GRID1: variants seen among roughly 807,000 people sequenced by gnomAD.
GRID1 encodes the protein glutamate receptor ionotropic, delta-1.
Under a neutral mutation model 98.0 loss-of-function variants are expected in GRID1, and 28 were observed. The observed-to-expected ratio is 0.29, with a 90% CI of 0.21 to 0.39. The LOEUF is 0.39. Ranked by LOEUF, GRID1 falls within the 10% of genes least tolerant of loss-of-function variation. The probability of loss-of-function intolerance (pLI) is 1.00; values close to 1 mark genes in which losing one functional copy is unlikely to be tolerated. For missense variants in GRID1, 1,111 were observed against 1,340.5 expected (o/e 0.83, Z 2.67); for synonymous variants, 553 against 538.5 (o/e 1.03, Z -0.37).
At chr10:86,239,975 T>C (rs1846601734) in intron 2 of GRID1, among the ~76,000 whole-genome samples, 1 of 151,986 alleles carries the variant, frequency 6.6e-6, no homozygotes, top group Non-Finnish European at 1.5e-5. Flanking sequence ...GAAGAGGAGA[T>C]GAGGACACAG....
chr10:86,015,622 G>A (rs1027050000), intron 4 of GRID1, among the ~76,000 whole-genome samples: 7 of 152,200 alleles, frequency 4.6e-5, no homozygotes, highest in Non-Finnish European at 8.8e-5. Context: ...CAGCCCTACT[G>A]CTCAGCCCTA....
intron 3 of GRID1, among the ~76,000 whole-genome samples, chr10:86,169,304 A>G (rs563119191): frequency 6.6e-6 from 1 of 152,344 alleles, no homozygotes; most frequent in South Asian, 2.1e-4. Context: ...CTGTAGCCCC[A>G]GGGGCAGTGG....
intron 4 of GRID1, among the ~76,000 whole-genome samples, chr10:86,040,181 AT>A (rs1843326370): frequency 6.6e-6 from 1 of 152,188 alleles, no homozygotes; most frequent in African/African-American, 2.4e-5. Flanking sequence ...GAAAAACAGT[AT>A]GCAGTTTCCT....
chr10:85,770,318 C>T (rs913565925), intron 8 of GRID1, among the ~76,000 whole-genome samples: 7 of 152,196 alleles, frequency 4.6e-5, no homozygotes, highest in Admixed American at 4.6e-4. Flanking sequence ...ACACCAAAAA[C>T]CCATCTATAC....
At chr10:85,848,825 G>A (rs536839435) in intron 8 of GRID1, among the ~76,000 whole-genome samples, 6 of 152,154 alleles carry the variant, frequency 3.9e-5, no homozygotes, top group East Asian at 1.9e-4. Context: ...TTCAGTTCTC[G>A]GCTCTGTCAA....
intron 4 of GRID1, among the ~76,000 whole-genome samples, chr10:86,091,450 C>T (rs1036553980): frequency 1.3e-5 from 2 of 152,104 alleles, no homozygotes; most frequent in Non-Finnish European, 2.9e-5. Flanking sequence ...CTGAGAATCT[C>T]ACCCCCATCC....
rs770112176 is a variant in GRID1, at chr10:85,729,550, C to T, written c.1298G>A (p.Arg433His). ...GSLQERPMGS[R>H]LQGLTLKVVT... is the part of the protein sequence containing the mutation. ...CACTTTAAGAGTCAATCCTTGGAGG[C>T]GGCTGCCCATGGGCCTCTCTTGCAA... is the stretch of plus-strand genomic sequence containing the variant. The change falls in exon 9 of 16, where the codon CGC becomes CAC. Residue 433 changes from arginine to histidine, a missense_variant. Around this residue, in one of 3 missense-constraint regions of GRID1, gnomAD observed 762 missense variants for 869.1 expected, o/e 0.88. Coordinates refer to ENST00000327946, the MANE Select transcript of GRID1 (RefSeq NM_017551.3). The T allele has an allele frequency of 2.9e-5, 46 of 1,611,990 alleles. No homozygotes were observed. The highest frequency in any genetic ancestry group is 6.7e-5 in the African/African-American group (5 of 74,818).
At chr10:86,270,702 T>A (rs1410222044) in intron 2 of GRID1, among the ~76,000 whole-genome samples, 1 of 151,478 alleles carries the variant, frequency 6.6e-6, no homozygotes, top group Non-Finnish European at 1.5e-5. Context: ...AAAATAATAA[T>A]AATAATAAAA....
chr10:86,140,128 C>A (rs1386161845), intron 3 of GRID1, among the ~76,000 whole-genome samples: 1 of 152,186 alleles, frequency 6.6e-6, no homozygotes, highest in Non-Finnish European at 1.5e-5. Context: ...CACGTGCAGC[C>A]CAGAGTCTCA....
intron 3 of GRID1, among the ~76,000 whole-genome samples, chr10:86,191,520 T>A (rs1845802534): frequency 1.5e-5 from 2 of 132,396 alleles, no homozygotes; most frequent in African/African-American, 5.7e-5. Context: ...CTTCCCAGAC[T>A]CCCTATCCTG....
intron 4 of GRID1, among the ~76,000 whole-genome samples, chr10:86,072,481 T>G (rs940714121): frequency 2.6e-5 from 4 of 151,638 alleles, no homozygotes; most frequent in South Asian, 2.1e-4. Context: ...TACTCTTTCG[T>G]TTTTTTTTAT....
intron 4 of GRID1, among the ~76,000 whole-genome samples, chr10:85,952,598 G>A (rs1316408688): frequency 2.0e-5 from 3 of 151,668 alleles, no homozygotes; most frequent in Non-Finnish European, 4.4e-5. Context: ...TTTCTTCAAG[G>A]CTTGGCTCAC....
intron 12 of GRID1, among the ~76,000 whole-genome samples, chr10:85,662,555 C>A (rs1452475628): frequency 6.6e-6 from 1 of 152,236 alleles, no homozygotes; most frequent in African/African-American, 2.4e-5. Flanking sequence ...CTCCTCCCCA[C>A]CCACAAGGCC....
rs112395429 is a variant in GRID1, at chr10:85,857,314, A to G, written c.952-1124T>C. ...ATCTAGGGTAGAAGTGTGAAGAACG[A>G]CACTACAGCATTGGGGCCCAACCCA... is the stretch of plus-strand genomic sequence containing the variant. On this transcript the variant is annotated intron_variant, in intron 6 of 15. Transcript: ENST00000327946. 3.2e-3 allele frequency among the ~76,000 whole-genome samples: 485 copies of G among 152,268 alleles called. 1 individual carries two copies. The highest frequency in any genetic ancestry group is 0.011 in the African/African-American group (449 of 41,568).
intron 8 of GRID1, among the ~76,000 whole-genome samples, chr10:85,747,645 A>T (rs1280099708): frequency 6.6e-6 from 1 of 152,202 alleles, no homozygotes; most frequent in African/African-American, 2.4e-5. Context: ...CAGAAAATGG[A>T]TATAAGCATA....
chr10:85,637,655 T>A (rs1843063434), intron 13 of GRID1, among the ~76,000 whole-genome samples: 1 of 152,252 alleles, frequency 6.6e-6, no homozygotes, highest in Non-Finnish European at 1.5e-5. Flanking sequence ...TTCCTGCCTC[T>A]CTAATTTCCT....
chr10:86,341,291 G>A (rs890712769), intron 2 of GRID1, among the ~76,000 whole-genome samples: 2 of 152,126 alleles, frequency 1.3e-5, no homozygotes, highest in Admixed American at 6.5e-5. Flanking sequence ...CCCTACCACC[G>A]ACAGGGAGCT....
intron 2 of GRID1, among the ~76,000 whole-genome samples, chr10:86,234,285 A>T (rs977026177): frequency 1.3e-5 from 2 of 152,186 alleles, no homozygotes; most frequent in African/African-American, 4.8e-5. Context: ...TTGAGAAACA[A>T]ACATCGGGCA....
chr10:85,884,930 A>G (rs912381173), intron 5 of GRID1, among the ~76,000 whole-genome samples: 1 of 152,170 alleles, frequency 6.6e-6, no homozygotes, highest in Admixed American at 6.5e-5. Flanking sequence ...TGGAGTTTCA[A>G]GTTAACATCA....
Sources: gnomAD v4.1 joint callset for allele counts (sites outside exome capture counted in the v4.1 genomes callset) on GRCh38, gnomAD v4.1.1 for gene constraint, gnomAD v4.1.1 regional missense constraint, MANE v1.5 for transcripts, NCBI Gene and HGNC (gene_info 2026-07-23, HGNC 2026-07-21) for gene names.